The following ZBTB20 variants were observed in gnomAD, a reference collection of about 807,000 sequenced individuals.
The protein encoded by ZBTB20 is zinc finger and BTB domain containing 20.
ZBTB20 carries 9 observed loss-of-function variants against 56.9 expected under a neutral mutation model. The ratio of observed to expected loss-of-function variants is 0.16; its 90% CI spans 0.10 to 0.28. The LOEUF is 0.28. Among genes scored for constraint, ZBTB20 ranks in the 10% least tolerant of loss-of-function variants. The probability of loss-of-function intolerance (pLI) is 1.00; values close to 1 mark genes in which losing one functional copy is unlikely to be tolerated. For synonymous variants in ZBTB20, 417 were observed against 420.7 expected (o/e 0.99, Z 0.11); for missense variants, 655 against 1,003.0 (o/e 0.65, Z 4.69).
intron 5 of ZBTB20, among the ~76,000 whole-genome samples, chr3:114,781,105 A>G (rs930351206): frequency 1.3e-5 from 2 of 152,196 alleles, no homozygotes; most frequent in Admixed American, 1.3e-4. Flanking sequence ...AAATATATAT[A>G]CCTAATATGT....
In ZBTB20 at chr3:114,883,916, CTTTTTTTTTT is replaced by C. The variant is rs869141975; in HGVS notation, c.-417+16378_-417+16387del. On this transcript the variant is annotated intron_variant, in intron 4 of 11. Transcript: ENST00000675478. The stretch of plus-strand genomic sequence containing the variant: ...GTATAACTGGTAAGAATGGTGTGTT[CTTTTTTTTTT>C]TTTTTTTTTTTTTTTTTGAGACGGA... Among the ~76,000 whole-genome samples, 73 of 89,832 alleles carry C rather than the reference CTTTTTTTTTT, an allele frequency of 8.1e-4. 10 individuals are homozygous for C. Among genetic ancestry groups the C allele is most frequent in the Admixed American group, 2.1e-3 (13 of 6,248 alleles). The allele number at this position is 89,832 out of a possible 152,430, so 58.9% of individuals were successfully genotyped here.
chr3:114,885,249 T>G (rs1170136957), intron 4 of ZBTB20, among the ~76,000 whole-genome samples: 1 of 152,214 alleles, frequency 6.6e-6, no homozygotes, highest in Non-Finnish European at 1.5e-5. Context: ...TGCACAACTC[T>G]GTGTAACCTG....
At chr3:114,618,040 C>T (rs1027727065) in intron 6 of ZBTB20, among the ~76,000 whole-genome samples, 2 of 150,892 alleles carry the variant, frequency 1.3e-5, no homozygotes, top group African/African-American at 4.9e-5. Context: ...TTCTGTCTCT[C>T]CTATCTAGAA....
intron 6 of ZBTB20, among the ~76,000 whole-genome samples, chr3:114,676,785 T>C (rs1374958769): frequency 6.7e-6 from 1 of 150,196 alleles, no homozygotes; most frequent in Non-Finnish European, 1.5e-5. Context: ...TTTTTTTTTT[T>C]TTTTTTTGGA....
chr3:114,864,418 A>G (rs1471413025), intron 4 of ZBTB20, among the ~76,000 whole-genome samples: 2 of 151,968 alleles, frequency 1.3e-5, no homozygotes, highest in Non-Finnish European at 2.9e-5. Context: ...TCCAGATTCA[A>G]TTATAATTTC....
chr3:115,103,645 T>C (rs573259917), intron 1 of ZBTB20, among the ~76,000 whole-genome samples: 196 of 152,298 alleles, frequency 1.3e-3, no homozygotes, highest in African/African-American at 4.5e-3. Flanking sequence ...ACTGGACGTC[T>C]ACATGCAAAA....
At chr3:114,700,230 T>C (rs1284394838) in intron 5 of ZBTB20, among the ~76,000 whole-genome samples, 1 of 152,148 alleles carries the variant, frequency 6.6e-6, no homozygotes, top group Non-Finnish European at 1.5e-5. Context: ...TCTCTTTTCA[T>C]CTTTTTATCA....
At chr3:114,795,014 A>G (rs960571890) in intron 5 of ZBTB20, among the ~76,000 whole-genome samples, 1 of 152,130 alleles carries the variant, frequency 6.6e-6, no homozygotes, top group Admixed American at 6.6e-5. Flanking sequence ...CTTAAAAATA[A>G]ACAAAAACAA....
intron 7 of ZBTB20, among the ~76,000 whole-genome samples, chr3:114,401,772 G>T (rs2086845159): frequency 6.6e-6 from 1 of 152,078 alleles, no homozygotes. Context: ...TAATAGGAGA[G>T]GCTGAAAAAT....
At chr3:114,873,601 G>GT (rs2076088370) in intron 4 of ZBTB20, among the ~76,000 whole-genome samples, 1 of 152,130 alleles carries the variant, frequency 6.6e-6, no homozygotes, top group East Asian at 1.9e-4. Context: ...ATTAAGGAAA[G>GT]TTTTTTAACA....
At chr3:114,987,999 T>A (rs2078619118) in intron 2 of ZBTB20, among the ~76,000 whole-genome samples, 1 of 152,094 alleles carries the variant, frequency 6.6e-6, no homozygotes, top group African/African-American at 2.4e-5. Flanking sequence ...TGCCATCTCA[T>A]CTATTCCCTA....
intron 2 of ZBTB20, among the ~76,000 whole-genome samples, chr3:115,061,881 A>C (rs1250995310): frequency 6.6e-6 from 1 of 152,180 alleles, no homozygotes; most frequent in South Asian, 2.1e-4. Flanking sequence ...GTATATCTTC[A>C]ATTTTTTTTG....
In ZBTB20 at chr3:114,339,477, G is replaced by A; in HGVS notation, c.1805-51C>T. 1.3e-6 allele frequency: 2 copies of A among 1,546,752 alleles called. No homozygotes were observed. The highest frequency in any genetic ancestry group is 1.2e-5 in the South Asian group (1 of 83,866). On this transcript the variant is annotated intron_variant, in intron 11 of 11. Transcript: ENST00000675478. The surrounding 1 kb of genome is among the most constrained non-coding windows in gnomAD (Gnocchi z 4.2). ...GCAGGACAGAGCGAGACATAGCAAG[G>A]GATAGAGAATGAAGGACAGGAAAAA... is the stretch of plus-strand genomic sequence containing the variant.
At chr3:114,690,273 C>T (rs1233827342) in intron 6 of ZBTB20, among the ~76,000 whole-genome samples, 2 of 152,114 alleles carry the variant, frequency 1.3e-5, no homozygotes, top group East Asian at 3.8e-4. Context: ...TCTAGCTACT[C>T]ACTTTTGAGG....
At chr3:114,604,915 T>C (rs1184916884) in intron 6 of ZBTB20, among the ~76,000 whole-genome samples, 1 of 152,158 alleles carries the variant, frequency 6.6e-6, no homozygotes, top group South Asian at 2.1e-4. Flanking sequence ...GACCTGGATG[T>C]TTGCTTGTTG....
intron 6 of ZBTB20, among the ~76,000 whole-genome samples, chr3:114,630,666 T>A (rs887411690): frequency 1.3e-5 from 2 of 152,208 alleles, no homozygotes; most frequent in Non-Finnish European, 2.9e-5. Context: ...GCCAAAGTAG[T>A]GCATGACAAC....
At chr3:115,028,017 T>C (rs1454078079) in intron 2 of ZBTB20, among the ~76,000 whole-genome samples, 2 of 150,850 alleles carry the variant, frequency 1.3e-5, no homozygotes, top group East Asian at 3.9e-4. Flanking sequence ...TTAACACATG[T>C]ATTACCTCAC....
chr3:114,911,583 CCAAA>C (rs1400621025), intron 3 of ZBTB20, among the ~76,000 whole-genome samples: 1 of 151,332 alleles, frequency 6.6e-6, no homozygotes, highest in Non-Finnish European at 1.5e-5. Context: ...AAAAAAAGGA[CCAAA>C]CAGATACCCT....
intron 5 of ZBTB20, among the ~76,000 whole-genome samples, chr3:114,714,338 A>G (rs2064307166): frequency 6.6e-6 from 1 of 152,180 alleles, no homozygotes. Context: ...GCCCAACTCT[A>G]CATTCTGCTC....
Sources: allele counts gnomAD v4.1 joint callset (sites outside exome capture counted in the v4.1 genomes callset), GRCh38; gene constraint gnomAD v4.1.1; non-coding constraint Gnocchi (gnomAD v3.1); transcripts MANE v1.5; gene names NCBI Gene and HGNC (gene_info 2026-07-23, HGNC 2026-07-21).